Variants in FKTN observed in about 807,000 individuals in gnomAD.
FKTN encodes the protein fukutin, also known as ribitol-5-phosphate transferase FKTN.
FKTN carries 47 observed loss-of-function variants against 58.6 expected under a neutral mutation model. That is an observed-to-expected ratio of 0.80 (90% CI 0.63 to 1.02). FKTN has a LOEUF of 1.02. Among genes scored for constraint, FKTN ranks in the 50% least tolerant of loss-of-function variants. The pLI is 0.00. For synonymous variants in FKTN, 178 were observed against 191.9 expected (o/e 0.93, Z 0.60); for missense variants, 516 against 537.3 (o/e 0.96, Z 0.39).
intron 1 of FKTN, among the ~76,000 whole-genome samples, chr9:105,571,148 T>C (rs1840667337): frequency 6.6e-6 from 1 of 152,156 alleles, no homozygotes; most frequent in Non-Finnish European, 1.5e-5. Flanking sequence ...TGTCAGTGTA[T>C]AGGTAAGATT....
chr9:105,636,416 A>G lies in FKTN; in HGVS notation c.*1152A>G, dbSNP rs1834038736. ...ACAACTATTCACCCTACCTCAGATC[A>G]TAGAGTTTGTAAAGTTTGTGTCCCT... On this transcript the variant is annotated 3_prime_UTR_variant, in exon 11 of 11. Transcript: ENST00000357998. 1.0e-6 allele frequency: 1 copy of G among 990,858 alleles called. No individual in the cohort carries two copies. The highest frequency in any genetic ancestry group is 1.2e-6 in the Non-Finnish European group (1 of 832,988). The allele number at this position is 990,858 out of a possible 1,614,324, so 61.4% of individuals were successfully genotyped here.
chr9:105,616,256 C>G (rs935292261), intron 8 of FKTN, among the ~76,000 whole-genome samples: 1 of 152,106 alleles, frequency 6.6e-6, no homozygotes, highest in Non-Finnish European at 1.5e-5. Context: ...TATTTCTATC[C>G]CAAAGATTGT....
At chr9:105,632,636 A>C (rs556139190) in intron 10 of FKTN, among the ~76,000 whole-genome samples, 1 of 152,070 alleles carries the variant, frequency 6.6e-6, no homozygotes, top group Non-Finnish European at 1.5e-5. Flanking sequence ...TCCAACTACC[A>C]CCAAGTAGTT....
chr9:105,615,521 C>A, intron 8 of FKTN, 114 bp downstream of exon 8: 1 of 974,906 alleles, frequency 1.0e-6, no homozygotes, highest in Non-Finnish European at 1.7e-6. Context: ...TGTGTATAGA[C>A]AGAATAAACA....
At chr9:105,587,011 A>G (rs560329681) in intron 3 of FKTN, among the ~76,000 whole-genome samples, 1 of 152,328 alleles carries the variant, frequency 6.6e-6, no homozygotes, top group African/African-American at 2.4e-5. Flanking sequence ...ATTTGTTCAA[A>G]AGAAATGAGT....
chr9:105,587,934 T>C (rs1224684901), intron 3 of FKTN, among the ~76,000 whole-genome samples: 1 of 152,220 alleles, frequency 6.6e-6, no homozygotes, highest in Non-Finnish European at 1.5e-5. Flanking sequence ...AGTGGAAGGC[T>C]ATCTGGAGGG....
At chr9:105,579,300 T>C (rs915202396) in intron 3 of FKTN, among the ~76,000 whole-genome samples, 15 of 152,198 alleles carry the variant, frequency 9.9e-5, no homozygotes, top group Non-Finnish European at 1.5e-5. Flanking sequence ...CTTGTGGGCA[T>C]TTAGTGCTAT....
rs563278346 is a variant in FKTN at position 105,579,035 on chromosome 9, G to A, written c.105+3898G>A. 8.7e-4 allele frequency among the ~76,000 whole-genome samples: 132 copies of A among 151,480 alleles called. 3 individuals are homozygous for A. In the South Asian group the frequency reaches 0.027, roughly 31 times the overall value. ...TATCCCCTTTATCGTTTTTTATTGCGTCTATTTCATTCTTCTCTCTTTTCT... is the reference window on the plus strand; with the variant it reads ...TATCCCCTTTATCGTTTTTTATTGCATCTATTTCATTCTTCTCTCTTTTCT... On this transcript the variant is annotated intron_variant, in intron 3 of 10. Transcript: ENST00000357998.
chr9:105,592,491 G>T (rs1251706020), intron 3 of FKTN, among the ~76,000 whole-genome samples: 1 of 152,108 alleles, frequency 6.6e-6, no homozygotes, highest in African/African-American at 2.4e-5. Context: ...ACAAAAATTA[G>T]CTGGGTGTGG....
rs779298204 is a variant in FKTN, at chr9:105,607,846, T to G, written c.675T>G (p.Asp225Glu). Residue 225 changes from aspartate to glutamate, a missense_variant, in exon 7 of 11, where the codon GAT (aspartate) becomes GAG (glutamate). Transcript: ENST00000357998. The stretch of plus-strand genomic sequence containing the variant: ...CAGAGTTACAGCAAGTTACTGTTGA[T>G]GGACTGGAAGTTCTCATTCCAAAGG... ...DRPELQQVTV[D>E]GLEVLIPKDP... 1 of 1,613,274 alleles carries G rather than the reference T, an allele frequency of 6.2e-7. No individual in the cohort carries two copies. The highest frequency in any genetic ancestry group is 1.1e-5 in the South Asian group (1 of 91,058).
intron 1 of FKTN, among the ~76,000 whole-genome samples, chr9:105,560,528 T>C (rs994339531): frequency 3.3e-5 from 5 of 152,160 alleles, no homozygotes; most frequent in African/African-American, 1.2e-4. Context: ...TATACAAATA[T>C]TGGAACAATA....
chr9:105,623,310 C>A (rs1023610452), intron 10 of FKTN: 2 of 152,116 alleles, frequency 1.3e-5, no homozygotes, highest in Admixed American at 1.3e-4. Context: ...TTAATCCTCA[C>A]AATAAGTTTA....
chr9:105,616,406 G>A (rs374119737), intron 8 of FKTN, among the ~76,000 whole-genome samples: 4 of 152,166 alleles, frequency 2.6e-5, no homozygotes, highest in African/African-American at 9.6e-5. Flanking sequence ...GCCTTTCCTA[G>A]GTCATTGGTA....
intron 5 of FKTN, among the ~76,000 whole-genome samples, chr9:105,602,059 C>A (rs1827961497): frequency 1.3e-5 from 2 of 152,140 alleles, no homozygotes; most frequent in Admixed American, 1.3e-4. Context: ...CAAATATAAA[C>A]CCATACTATG....
At chr9:105,598,024 T>C (rs1049289821) in intron 4 of FKTN, 2 of 367,172 alleles carry the variant, frequency 5.4e-6, no homozygotes, top group Non-Finnish European at 1.1e-5. Flanking sequence ...ATGGAATTTG[T>C]GAAAAATTTA....
chr9:105,596,464 A>G (rs992123520), intron 3 of FKTN, 134 bp from the exon 4 acceptor site: 9 of 679,422 alleles, frequency 1.3e-5, no homozygotes, highest in African/African-American at 1.1e-4. Context: ...TCATGACTAT[A>G]TGAAAAATAG....
At chr9:105,565,618 A>G (rs889196316) in intron 1 of FKTN, among the ~76,000 whole-genome samples, 5 of 152,078 alleles carry the variant, frequency 3.3e-5, no homozygotes, top group African/African-American at 1.2e-4. Context: ...ATATATATGC[A>G]CCCAATACAG....
intron 1 of FKTN, among the ~76,000 whole-genome samples, chr9:105,567,965 C>T (rs1440422616): frequency 2.6e-5 from 4 of 152,288 alleles, no homozygotes; most frequent in Non-Finnish European, 4.4e-5. Context: ...TGGAACAGAA[C>T]GGAGCCCTCA....
chr9:105,630,251 C>T (rs1412130442), intron 10 of FKTN, among the ~76,000 whole-genome samples: 1 of 152,048 alleles, frequency 6.6e-6, no homozygotes, highest in Non-Finnish European at 1.5e-5. Context: ...AGTTTATACT[C>T]AGCTGTGTTA....
Sources: gnomAD v4.1 joint callset for allele counts (sites outside exome capture counted in the v4.1 genomes callset) on GRCh38, gnomAD v4.1.1 for gene constraint, MANE v1.5 for transcripts, NCBI Gene and HGNC (gene_info 2026-07-23, HGNC 2026-07-21) for gene names.